PAK3: variants seen among roughly 807,000 people sequenced by gnomAD.
PAK3 encodes p21 (RAC1) activated kinase 3, also known as serine/threonine-protein kinase PAK 3.
A neutral mutation model predicts 41.0 loss-of-function variants in PAK3; 4 were observed. That is an observed-to-expected ratio of 0.10 (90% CI 0.05 to 0.22). The LOEUF is 0.22. Ranked by LOEUF, PAK3 falls within the 10% of genes least tolerant of loss-of-function variation. The pLI, the probability that PAK3 is intolerant of heterozygous loss-of-function variation, is 1.00. For missense variants in PAK3, 205 were observed against 409.9 expected (o/e 0.50, Z 4.32); for synonymous variants, 146 against 139.6 (o/e 1.05, Z -0.32).
intron 16 of PAK3, among the ~76,000 whole-genome samples, chrX:111,210,509 AT>A (rs2094807463): frequency 9.0e-6 from 1 of 111,399 alleles, no homozygotes; most frequent in Non-Finnish European, 1.9e-5. Flanking sequence ...AAAAGGTGCT[AT>A]TTTTCATTTT....
At chrX:111,155,834 A>T (rs2094100138) in intron 8 of PAK3, among the ~76,000 whole-genome samples, 1 of 111,807 alleles carries the variant, frequency 8.9e-6, no homozygotes, top group South Asian at 3.8e-4. Context: ...GAGCAAGGAA[A>T]CAAGGAATAT....
intron 16 of PAK3, among the ~76,000 whole-genome samples, chrX:111,206,695 G>C (rs1237910444): frequency 2.7e-5 from 3 of 112,191 alleles, no homozygotes; most frequent in Non-Finnish European, 5.6e-5. Context: ...AGCTAAATTA[G>C]ACCACATTGC....
chrX:111,144,999 G>T, intron 6 of PAK3: 1 of 580,977 alleles, frequency 1.7e-6, no homozygotes, highest in Non-Finnish European at 2.8e-6. Flanking sequence ...CATTCTCCTG[G>T]GCTACACTGG....
intron 16 of PAK3, among the ~76,000 whole-genome samples, chrX:111,203,658 T>A (rs1301964127): frequency 8.9e-6 from 1 of 111,898 alleles, no homozygotes; most frequent in Non-Finnish European, 1.9e-5. Context: ...AGGGAAATTA[T>A]AATTGGCTTA....
intron 17 of PAK3, chrX:111,217,131 T>A (rs2094888102): frequency 7.5e-6 from 4 of 529,892 alleles, no homozygotes; most frequent in Non-Finnish European, 9.2e-6. Flanking sequence ...TTCAATAAAT[T>A]ATTTCATTTT....
rs192111982 is a variant in PAK3, at chrX:111,070,017, T to C, written c.-27-53060T>C. Among the ~76,000 whole-genome samples, 844 of 111,826 alleles carry C rather than the reference T, an allele frequency of 7.5e-3. 12 individuals carry two copies. Among genetic ancestry groups the C allele is most frequent in the African/African-American group, 0.026 (804 of 30,778 alleles). On this transcript the variant is annotated intron_variant, in intron 1 of 14. Coordinates refer to the PAK3 transcript ENST00000425146. ...CCAGATAGCCCTATGCATTGCATTA[T>C]CTATTAGTTTTTTTCTGTTTTATGG...
intron 1 of PAK3, among the ~76,000 whole-genome samples, chrX:111,010,362 A>C (rs1268231925): frequency 9.0e-6 from 1 of 111,436 alleles, no homozygotes; most frequent in Admixed American, 9.5e-5. Context: ...AGCCAAATCA[A>C]ATCCTTGACA....
chrX:111,138,919 G>T (rs770238283), intron 5 of PAK3, among the ~76,000 whole-genome samples: 1 of 110,706 alleles, frequency 9.0e-6, no homozygotes, highest in Non-Finnish European at 1.9e-5. Flanking sequence ...AGTAAGCAGA[G>T]ATCACGCCAC....
chrX:110,979,126 C>G (rs1054742266), intron 1 of PAK3, among the ~76,000 whole-genome samples: 16 of 110,477 alleles, frequency 1.4e-4, no homozygotes, highest in East Asian at 2.8e-4. Flanking sequence ...TTGTACTACT[C>G]CATTTTATCC....
At chrX:111,058,901 T>C (rs2092629255) in intron 1 of PAK3, among the ~76,000 whole-genome samples, 1 of 111,372 alleles carries the variant, frequency 9.0e-6, no homozygotes. Flanking sequence ...CTCAGTACCA[T>C]TTGTTGAAGA....
At chrX:111,120,370 T>C (rs2093547956) in intron 4 of PAK3, among the ~76,000 whole-genome samples, 2 of 111,722 alleles carry the variant, frequency 1.8e-5, no homozygotes, top group Admixed American at 9.5e-5. Context: ...TCAAATAAAG[T>C]CAGGGTAATC....
At chrX:111,021,849 A>G (rs1274859848) in intron 1 of PAK3, among the ~76,000 whole-genome samples, 3 of 110,770 alleles carry the variant, frequency 2.7e-5, no homozygotes, top group African/African-American at 9.8e-5. Context: ...AACCGCAGGA[A>G]ATCAAGGACA....
intron 1 of PAK3, among the ~76,000 whole-genome samples, chrX:110,955,742 G>A (rs1388868631): frequency 8.9e-6 from 1 of 112,080 alleles, no homozygotes; most frequent in Non-Finnish European, 1.9e-5. Context: ...TGCCTCTTTA[G>A]GCCTCAGTTC....
intron 6 of PAK3, among the ~76,000 whole-genome samples, chrX:111,144,351 G>A (rs1257576515): frequency 1.8e-5 from 2 of 112,000 alleles, no homozygotes; most frequent in Non-Finnish European, 3.8e-5. Flanking sequence ...TCATCCTGAT[G>A]ATCTTTTGTA....
At chrX:111,177,783 G>C (rs2094422043) in intron 11 of PAK3, among the ~76,000 whole-genome samples, 1 of 111,753 alleles carries the variant, frequency 8.9e-6, no homozygotes, top group Non-Finnish European at 1.9e-5. Context: ...CTATGTAACA[G>C]AGGGCTGAAT....
intron 1 of PAK3, among the ~76,000 whole-genome samples, chrX:111,030,372 G>C (rs1469230242): frequency 9.0e-6 from 1 of 111,224 alleles, no homozygotes; most frequent in Non-Finnish European, 1.9e-5. Flanking sequence ...AAAAGATCTA[G>C]AAAGCTTAAG....
intron 1 of PAK3, among the ~76,000 whole-genome samples, chrX:110,990,926 G>A (rs751283406): frequency 3.6e-5 from 4 of 110,591 alleles, no homozygotes; most frequent in Admixed American, 1.9e-4. Context: ...CCAGGAGTTC[G>A]AGACCAGCCA....
chrX:110,945,750 T>C (rs927390207), intron 1 of PAK3, among the ~76,000 whole-genome samples: 1 of 111,431 alleles, frequency 9.0e-6, no homozygotes, highest in African/African-American at 3.3e-5. Context: ...CTTTCTTGAA[T>C]GATAAGGTAT....
intron 1 of PAK3, among the ~76,000 whole-genome samples, chrX:110,949,586 G>T (rs2090698681): frequency 9.0e-6 from 1 of 111,061 alleles, no homozygotes; most frequent in Non-Finnish European, 1.9e-5. Context: ...AGCCTAGGGT[G>T]ACTGGTAGAA....
Sources: allele counts gnomAD v4.1 joint callset (sites outside exome capture counted in the v4.1 genomes callset), GRCh38; gene constraint gnomAD v4.1.1; transcripts MANE v1.5; gene names NCBI Gene and HGNC (gene_info 2026-07-23, HGNC 2026-07-21).